The following TREH variants were observed in gnomAD, a reference collection of about 807,000 sequenced individuals.
The protein encoded by TREH is alpha,alpha-trehalose glucohydrolase.
In TREH, 69 loss-of-function variants were observed where a neutral mutation model predicts 80.5. That is an observed-to-expected ratio of 0.86 (90% CI 0.71 to 1.05). The LOEUF is 1.05. Ranked by LOEUF, TREH falls within the 50% of genes least tolerant of loss-of-function variation. The probability of loss-of-function intolerance (pLI) is 0.00; values close to 1 mark genes in which losing one functional copy is unlikely to be tolerated. For synonymous variants in TREH, 309 were observed against 293.5 expected (o/e 1.05, Z -0.54); for missense variants, 716 against 718.8 (o/e 1.00, Z 0.04).
At position 118,661,107 on chromosome 11, in the gene TREH, C is replaced by G. The variant is rs1555144859; in HGVS notation, c.857+53G>C. ...CTCCTGCCCGGGGCATTGTGATGCT[C>G]TAACCAGAGTGAGCAGGTAAGAGAT... On this transcript the variant is annotated intron_variant, in intron 8 of 14. Transcript: ENST00000264029. This position sits in a 1 kb window ranked among gnomAD's most constrained non-coding sequence, Gnocchi z 4.2. 6.2e-6 allele frequency: 10 copies of G among 1,612,426 alleles called. No homozygotes were observed. Among genetic ancestry groups the G allele is most frequent in the Non-Finnish European group, 8.5e-6 (10 of 1,179,294 alleles).
At position 118,661,371 on chromosome 11, in the gene TREH, G is replaced by A; in HGVS notation, c.734+22C>T. ...GAGGGATGGGTGGGTCTGCAGAGCA[G>A]CACAGGGAGGGTGGTACCCACTGTA... On this transcript the variant is annotated intron_variant, in intron 7 of 14. Coordinates refer to ENST00000264029, the MANE Select transcript of TREH (RefSeq NM_007180.3). This position sits in a 1 kb window ranked among gnomAD's most constrained non-coding sequence, Gnocchi z 4.2. The A allele has an allele frequency of 6.2e-7, 1 of 1,613,924 alleles. No homozygotes were observed. The highest frequency in any genetic ancestry group is 8.5e-7 in the Non-Finnish European group (1 of 1,179,818).
chr11:118,663,571 G>A (rs782190142), intron 1 of TREH, 132 bp from the exon 2 acceptor site: 27 of 495,196 alleles, frequency 5.5e-5, no homozygotes, highest in South Asian at 1.0e-4. Flanking sequence ...GTGTGCGTGC[G>A]TGTGTGTGTG....
At position 118,658,749 on chromosome 11, in the gene TREH, T is replaced by C; in HGVS notation, c.1546-16A>G. 6.2e-7 allele frequency: 1 copy of C among 1,608,292 alleles called. No individual in the cohort carries two copies. The highest frequency in any genetic ancestry group is 8.5e-7 in the Non-Finnish European group (1 of 1,177,322). Reference sequence around the variant, plus strand: ...TGACGTCATACTGGGGACAAGCGGGTGGGCTGTATGTCAGGTACTGCCCCC... The same window carrying C: ...TGACGTCATACTGGGGACAAGCGGGCGGGCTGTATGTCAGGTACTGCCCCC... On this transcript the variant is annotated splice_polypyrimidine_tract_variant and intron_variant, in intron 13 of 14. Coordinates refer to ENST00000264029, the MANE Select transcript of TREH (RefSeq NM_007180.3).
intron 4 of TREH, 84 bp downstream of exon 4, chr11:118,662,797 G>T (rs145251535): frequency 2.7e-6 from 4 of 1,465,058 alleles, no homozygotes; most frequent in African/African-American, 2.8e-5. Flanking sequence ...CCTGATCTGT[G>T]CTCCGAAGAC....
intron 1 of TREH, among the ~76,000 whole-genome samples, 154 bp downstream of exon 1, chr11:118,679,385 C>G (rs144848600): frequency 7.2e-4 from 109 of 152,276 alleles, no homozygotes; most frequent in African/African-American, 2.6e-3. Flanking sequence ...ACAGAGCCTG[C>G]TACATAGGAA....
At chr11:118,659,269 C>CGG (rs1257645931) in intron 12 of TREH, 101 bp downstream of exon 12, 12 of 1,015,804 alleles carry the variant, frequency 1.2e-5, no homozygotes, top group East Asian at 7.9e-5. Context: ...AGAAAGGATA[C>CGG]GGGGCCTCTT....
At position 118,661,038 on chromosome 11, in the gene TREH, G is replaced by A. The variant is rs908843954; in HGVS notation, c.857+122C>T. The A allele has an allele frequency of 1.3e-6, 2 of 1,558,842 alleles. No homozygotes were observed. The highest frequency in any genetic ancestry group is 1.4e-5 in the African/African-American group (1 of 73,980). ...GCCCCACAGCCCAGGATTGCAGAGG[G>A]CTCTCGGTGTCACCATCTGAGAGGC... On this transcript the variant is annotated intron_variant, in intron 8 of 14. Coordinates refer to ENST00000264029, the MANE Select transcript of TREH (RefSeq NM_007180.3). This position sits in a 1 kb window ranked among gnomAD's most constrained non-coding sequence, Gnocchi z 4.2.
rs947588390 is a variant in TREH at position 118,674,187 on chromosome 11, C to A, written c.89+5352G>T. On this transcript the variant is annotated intron_variant, in intron 1 of 14. Coordinates refer to ENST00000264029, the MANE Select transcript of TREH (RefSeq NM_007180.3). The surrounding 1 kb of genome is among the most constrained non-coding windows in gnomAD (Gnocchi z 4.4). ...ATCTTACATCCTTCAGTCATAGGGG[C>A]AATTTCAAATAATGTCTGATAGCAA... Among the ~76,000 whole-genome samples, 2 of 152,194 alleles carry A rather than the reference C, an allele frequency of 1.3e-5. No homozygotes were observed. Among genetic ancestry groups the A allele is most frequent in the African/African-American group, 2.4e-5 (1 of 41,444 alleles).
At chr11:118,666,247 A>G (rs1166747987) in intron 1 of TREH, among the ~76,000 whole-genome samples, 2 of 152,152 alleles carry the variant, frequency 1.3e-5, no homozygotes, top group African/African-American at 4.8e-5. Flanking sequence ...AAAAAAAATA[A>G]ATAAATGACA....
Position 118,672,876 on chromosome 11 carries a change from G to A in TREH, c.89+6663C>T, listed in dbSNP as rs1486711239. Among the ~76,000 whole-genome samples, 5 of 152,046 alleles carry A rather than the reference G, an allele frequency of 3.3e-5. No individual in the cohort carries two copies. In the East Asian group the frequency reaches 7.7e-4, roughly 23 times the overall value. On this transcript the variant is annotated intron_variant, in intron 1 of 14. Coordinates refer to ENST00000264029, the MANE Select transcript of TREH (RefSeq NM_007180.3). Reference sequence around the variant, plus strand: ...GTCCTGGGACCACTGGGATTTACTGGAACCACTGAATCAGCTGGGAAAAAG... The same window carrying A: ...GTCCTGGGACCACTGGGATTTACTGAAACCACTGAATCAGCTGGGAAAAAG...
intron 1 of TREH, among the ~76,000 whole-genome samples, chr11:118,678,267 C>G (rs370686456): frequency 6.6e-6 from 1 of 152,328 alleles, no homozygotes; most frequent in African/African-American, 2.4e-5. Flanking sequence ...CCGTCCCTCC[C>G]CATCCTCTCT....
At chr11:118,665,110 TAA>T (rs879996312) in intron 1 of TREH, among the ~76,000 whole-genome samples, 2 of 142,374 alleles carry the variant, frequency 1.4e-5, no homozygotes. Flanking sequence ...ACTGTGTCTT[TAA>T]AAAAAAAAAA....
At position 118,679,612 on chromosome 11, in the gene TREH, A is replaced by T; in HGVS notation, c.16T>A (p.Trp6Arg). Residue 6 changes from tryptophan to arginine, a missense_variant, in exon 1 of 15, where the codon TGG becomes AGG. By Grantham distance (101) the Trp-to-Arg change is moderately radical (BLOSUM62 -3). Coordinates refer to ENST00000264029, the MANE Select transcript of TREH (RefSeq NM_007180.3). ...AGCAGCAGTAGCAGGCACAGCTCCC[A>T]GGTCCTCCCTGGCATGGTGGCTGTG... Reference protein sequence around the residue: MPGRTWELCLLLLLGL... With the variant: MPGRTRELCLLLLLGL... 6.5e-7 allele frequency: 1 copy of T among 1,541,158 alleles called. No individual in the cohort carries two copies. The highest frequency in any genetic ancestry group is 8.8e-7 in the Non-Finnish European group (1 of 1,139,790).
Position 118,679,556 on chromosome 11 carries a change from T to C in TREH, c.72A>G (p.Leu24=), listed in dbSNP as rs781900239. The C allele has an allele frequency of 1.9e-6, 3 of 1,541,042 alleles. No individual in the cohort carries two copies. Among genetic ancestry groups the C allele is most frequent in the South Asian group, 2.5e-5 (2 of 80,194 alleles). ...ACCCCTACCTCTCACAGGGTGGGGG[T>C]AGGGCCTCCTGGGACCCCAGTCCCA... The part of the protein sequence containing the change: ...LGLGLGSQEA[L]PPPCESEIYC... Residue 24 remains leucine (L), a synonymous_variant, in exon 1 of 15, where the codon CTA becomes CTG. Coordinates refer to ENST00000264029, the MANE Select transcript of TREH (RefSeq NM_007180.3).
chr11:118,665,913 T>C (rs1949373014), intron 1 of TREH, among the ~76,000 whole-genome samples: 1 of 152,158 alleles, frequency 6.6e-6, no homozygotes, highest in Non-Finnish European at 1.5e-5. Context: ...CCAAGCCTAA[T>C]GTCCCTTACA....
chr11:118,668,511 G>A (rs1344631322), intron 1 of TREH, among the ~76,000 whole-genome samples: 2 of 113,332 alleles, frequency 1.8e-5, no homozygotes, highest in African/African-American at 3.4e-5. Flanking sequence ...TTGCAGAGCC[G>A]TGATTGTGCT....
At chr11:118,662,747 G>A (rs1949337659) in intron 4 of TREH, 134 bp downstream of exon 4, 5 of 970,014 alleles carry the variant, frequency 5.2e-6, no homozygotes, top group Non-Finnish European at 7.7e-6. Flanking sequence ...CCTCTATTTG[G>A]GGACCCAGGG....
At chr11:118,673,272 T>A (rs1949446898) in intron 1 of TREH, among the ~76,000 whole-genome samples, 1 of 152,192 alleles carries the variant, frequency 6.6e-6, no homozygotes, top group South Asian at 2.1e-4. Flanking sequence ...AGTGTCAGTA[T>A]TTTGAGCATT....
chr11:118,672,325 G>A (rs1362714522), intron 1 of TREH, among the ~76,000 whole-genome samples: 1 of 152,100 alleles, frequency 6.6e-6, no homozygotes, highest in Non-Finnish European at 1.5e-5. Context: ...TTGAACCGGG[G>A]AGGTGGAGGT....
Sources: gnomAD v4.1 joint callset for allele counts (sites outside exome capture counted in the v4.1 genomes callset) on GRCh38, gnomAD v4.1.1 for gene constraint, Gnocchi (gnomAD v3.1) non-coding constraint, MANE v1.5 for transcripts, NCBI Gene and HGNC (gene_info 2026-07-23, HGNC 2026-07-21) for gene names.